Variants in ZIC1 observed in about 807,000 individuals in gnomAD.
ZIC1 encodes the protein zinc finger protein ZIC 1.
In ZIC1, 4 loss-of-function variants were observed where a neutral mutation model predicts 30.9. The ratio of observed to expected loss-of-function variants is 0.13; its 90% CI spans 0.06 to 0.30. ZIC1 has a LOEUF of 0.30. ZIC1 is among the 10% of genes least tolerant of loss of function. The probability of loss-of-function intolerance (pLI) is 1.00; values close to 1 mark genes in which losing one functional copy is unlikely to be tolerated. For synonymous variants in ZIC1, 305 were observed against 277.5 expected, an observed-to-expected ratio of 1.10 and a Z score of -0.98; for missense variants, 441 against 639.3, an observed-to-expected ratio of 0.69 and a Z score of 3.34.
In ZIC1 at chr3:147,410,090, G is replaced by T; in HGVS notation, c.-23G>T. The T allele has an allele frequency of 6.9e-7, 1 of 1,458,716 alleles. No individual in the cohort carries two copies. The highest frequency in any genetic ancestry group is 9.0e-7 in the Non-Finnish European group (1 of 1,114,842). The allele number at this position is 1,458,716 out of a possible 1,614,324, so 90.4% of individuals were successfully genotyped here. A position where few individuals can be genotyped will look rare whatever the true frequency, so the allele number is the denominator to read the frequency against. On this transcript the variant is annotated 5_prime_UTR_variant, in exon 1 of 3. Transcript: ENST00000282928. ...GAGGGTGGGGGGGGCGGGGGAGGCC[G>T]GGGCTCGCCCCGAGCAGCCACGATG...
chr3:147,410,127 C>G lies in ZIC1; in HGVS notation c.15C>G (p.Ala5=). The G allele has an allele frequency of 1.3e-6, 2 of 1,565,070 alleles. No homozygotes were observed. Among genetic ancestry groups the G allele is most frequent in the Non-Finnish European group, 1.7e-6 (2 of 1,163,744 alleles). Reference sequence around the variant, plus strand: ...GAGCAGCCACGATGCTCCTGGACGCCGGCCCCCAGTACCCAGCGATCGGCG... The same window carrying G: ...GAGCAGCCACGATGCTCCTGGACGCGGGCCCCCAGTACCCAGCGATCGGCG... MLLD[A]GPQYPAIGVT... The change falls in exon 1 of 3, where the codon GCC becomes GCG. Residue 5 remains alanine, a synonymous_variant. Coordinates refer to ENST00000282928, the MANE Select transcript of ZIC1 (RefSeq NM_003412.4).
intron 1 of ZIC1, among the ~76,000 whole-genome samples, chr3:147,411,884 A>G (rs548367276): frequency 6.6e-6 from 1 of 152,042 alleles, no homozygotes; most frequent in East Asian, 1.9e-4. Context: ...CAGACAAAAC[A>G]TTCTGGGCCC....
rs551456943 is a variant in ZIC1 at position 147,414,585 on chromosome 3, C to G, written c.*1034C>G. On this transcript the variant is annotated 3_prime_UTR_variant, in exon 3 of 3. Transcript: ENST00000282928. ...TCCGTGATTGTGGTAGGAATTTCTT[C>G]TTCACCCACCAGCAACCTGCTGCCT... is the stretch of plus-strand genomic sequence containing the variant. The G allele has an allele frequency of 4.6e-5, 7 of 152,714 alleles. No homozygotes were observed. In the South Asian group the frequency reaches 1.5e-3, roughly 32 times the overall value. The allele number at this position is 152,714 out of a possible 1,614,324, so 9.5% of individuals were successfully genotyped here.
rs2087411122 is a variant in ZIC1, at chr3:147,414,109, T to C, written c.*558T>C. 2 of 152,164 alleles carry C rather than the reference T, an allele frequency of 1.3e-5. No homozygotes were observed. The highest frequency in any genetic ancestry group is 4.2e-4 in the South Asian group (2 of 4,792). 9.4% of individuals were successfully genotyped at this position (152,164 alleles called of 1,614,324 possible). A position where few individuals can be genotyped will look rare whatever the true frequency, so the allele number is the denominator to read the frequency against. On this transcript the variant is annotated 3_prime_UTR_variant, in exon 3 of 3. Transcript: ENST00000282928. ...TGTTTGTACTGAATGGCAAGAATGT[T>C]CTAGTAAATGTGTACCAAAATGTGA... is the stretch of plus-strand genomic sequence containing the variant.
At chr3:147,412,415 C>T in intron 1 of ZIC1, 103 bp from the exon 2 acceptor site, 2 of 1,403,690 alleles carry the variant, frequency 1.4e-6, no homozygotes, top group Non-Finnish European at 9.8e-7. Flanking sequence ...TAATCCTGGG[C>T]TGCTGGCTTT....
chr3:147,409,763 G>T lies in ZIC1; in HGVS notation c.-350G>T. ...AAGTTTTTTTTTAGGGGGCTGAGAT[G>T]CTCCATGCCTTTCCCCGGGCAGCCT... On this transcript the variant is annotated 5_prime_UTR_variant, in exon 1 of 3. It removes an upstream start codon present in the reference 5' UTR. Transcript: ENST00000282928. 1 of 319,820 alleles carries T rather than the reference G, an allele frequency of 3.1e-6. No homozygotes were observed. The highest frequency in any genetic ancestry group is 5.7e-6 in the Non-Finnish European group (1 of 175,082). 19.8% of individuals were successfully genotyped at this position (319,820 alleles called of 1,614,324 possible).
chr3:147,409,907 T>G lies in ZIC1; in HGVS notation c.-206T>G. The G allele has an allele frequency of 1.8e-6, 1 of 545,394 alleles. No homozygotes were observed. The highest frequency in any genetic ancestry group is 3.1e-6 in the Non-Finnish European group (1 of 324,338). 33.8% of individuals were successfully genotyped at this position (545,394 alleles called of 1,614,324 possible). ...CGCGGCCCGCAGCCGTCCGGCTACT[T>G]TGCGTTTGGCCCGGCCAGCGCCCGG... On this transcript the variant is annotated 5_prime_UTR_variant, in exon 1 of 3. Coordinates refer to ENST00000282928, the MANE Select transcript of ZIC1 (RefSeq NM_003412.4).
At chr3:147,412,755 G>C in intron 2 of ZIC1, 74 bp downstream of exon 2, 1 of 1,549,564 alleles carries the variant, frequency 6.5e-7, no homozygotes, top group African/African-American at 1.4e-5. Flanking sequence ...CGGGCGGCGA[G>C]TGGCAGACAG....
intron 1 of ZIC1, 126 bp from the exon 2 acceptor site, chr3:147,412,392 G>A: frequency 2.7e-6 from 3 of 1,119,856 alleles, no homozygotes; most frequent in Non-Finnish European, 2.6e-6. Context: ...GGGTTTTTAA[G>A]CTTGCAAAGT....
At chr3:147,413,242 G>A in intron 2 of ZIC1, 112 bp from the exon 3 acceptor site, 1 of 1,183,148 alleles carries the variant, frequency 8.5e-7, no homozygotes, top group Non-Finnish European at 1.2e-6. Flanking sequence ...CCTCACCTGT[G>A]TTCAGGGGGC....
rs1315632732 is a variant in ZIC1, at chr3:147,410,482, TCGG to T, written c.372_374del (p.Ala125del). ...CGCACAGCACAGCCTCTTTGCTGCA[TCGG>T]CCGGGGGCTTCGGGGGCCCACACGG... On this transcript the variant is annotated inframe_deletion, in exon 1 of 3. Transcript: ENST00000282928. 1.2e-6 allele frequency: 2 copies of T among 1,605,526 alleles called. No individual in the cohort carries two copies. Among genetic ancestry groups the T allele is most frequent in the Non-Finnish European group, 1.7e-6 (2 of 1,178,648 alleles).
intron 2 of ZIC1, 83 bp downstream of exon 2, chr3:147,412,764 A>T: frequency 6.5e-7 from 1 of 1,532,468 alleles, no homozygotes; most frequent in Non-Finnish European, 8.9e-7. Context: ...AGTGGCAGAC[A>T]GGCGGTGGCG....
chr3:147,410,856 C>T lies in ZIC1; in HGVS notation c.744C>T (p.Thr248=). 6.2e-7 allele frequency: 1 copy of T among 1,614,262 alleles called. No homozygotes were observed. The highest frequency in any genetic ancestry group is 8.5e-7 in the Non-Finnish European group (1 of 1,180,042). ...AGTCGTGCAACAAAACTTTCAGCAC[C>T]ATGCACGAGCTAGTTACGCACGTCA... ...PKKSCNKTFS[T]MHELVTHVTV... The change falls in exon 1 of 3, where the codon ACC becomes ACT. Residue 248 remains threonine, a synonymous_variant. Transcript: ENST00000282928.
chr3:147,414,539 C>G lies in ZIC1; in HGVS notation c.*988C>G, dbSNP rs1048800376. 9.2e-5 allele frequency: 14 copies of G among 152,436 alleles called. No individual in the cohort carries two copies. Among genetic ancestry groups the G allele is most frequent in the African/African-American group, 3.4e-4 (14 of 41,380 alleles). 9.4% of individuals were successfully genotyped at this position (152,436 alleles called of 1,614,324 possible). A position where few individuals can be genotyped will look rare whatever the true frequency, so the allele number is the denominator to read the frequency against. ...AGAACTGTTTGGTAACCTTTCGTAC[C>G]TTATTAAAGATTCTTAAATCTCCGT... On this transcript the variant is annotated 3_prime_UTR_variant, in exon 3 of 3. Coordinates refer to ENST00000282928, the MANE Select transcript of ZIC1 (RefSeq NM_003412.4).
In ZIC1 at chr3:147,410,274, C is replaced by A. The variant is rs758813821; in HGVS notation, c.162C>A (p.His54Gln). The A allele has an allele frequency of 3.4e-5, 54 of 1,600,586 alleles. No individual in the cohort carries two copies. In the Admixed American group the frequency reaches 8.7e-4, roughly 26 times the overall value. The change falls in exon 1 of 3, where the codon CAC becomes CAA. Residue 54 changes from histidine to glutamine, a missense_variant. Physicochemically the swap from His to Gln is conservative, Grantham distance 24. This residue lies in a region of ZIC1 where 307 missense variants were observed against 355.3 expected (regional missense o/e 0.86). Coordinates refer to ENST00000282928, the MANE Select transcript of ZIC1 (RefSeq NM_003412.4). Reference sequence around the variant, plus strand: ...CCTTCAAGCTCAACCCCAGTTCGCACGAGCTGGCTTCGGCCGGCCAGACGG... The same window carrying A: ...CCTTCAAGCTCAACCCCAGTTCGCAAGAGCTGGCTTCGGCCGGCCAGACGG... ...MGAFKLNPSS[H>Q]ELASAGQTAF... is the part of the protein sequence containing the mutation.
rs763813071 is a variant in ZIC1 at position 147,416,560 on chromosome 3, G to A, written c.*3009G>A. 6.6e-5 allele frequency: 10 copies of A among 152,082 alleles called. No homozygotes were observed. Among genetic ancestry groups the A allele is most frequent in the Non-Finnish European group, 1.5e-4 (10 of 68,012 alleles). The allele number at this position is 152,082 out of a possible 1,614,324, so 9.4% of individuals were successfully genotyped here. A position where few individuals can be genotyped will look rare whatever the true frequency, so the allele number is the denominator to read the frequency against. ...GGATATTTTAAAGATAAATTTTAGG[G>A]GTAAATGTTTACTTCAAAATGACTC... On this transcript the variant is annotated 3_prime_UTR_variant, in exon 3 of 3. Transcript: ENST00000282928.
rs756221956 is a variant in ZIC1 at position 147,412,631 on chromosome 3, A to C, written c.1096A>C (p.Met366Leu). ...GAGCGACAAGCCCTATCTTTGCAAG[A>C]TGTGCGACAAGTCCTACACGCATCC... ...HTSDKPYLCK[M>L]CDKSYTHPSS... Residue 366 changes from methionine to leucine, a missense_variant, in exon 2 of 3, where the codon ATG (methionine) becomes CTG (leucine). By Grantham distance (15) the Met-to-Leu change is conservative. This residue lies in a region of ZIC1 where 31 missense variants were observed against 65.2 expected (regional missense o/e 0.48). Transcript: ENST00000282928. 1 of 1,614,210 alleles carries C rather than the reference A, an allele frequency of 6.2e-7. No individual in the cohort carries two copies. Among genetic ancestry groups the C allele is most frequent in the Admixed American group, 1.7e-5 (1 of 60,024 alleles).
Position 147,409,927 on chromosome 3 carries a change from GC to G in ZIC1, c.-183del. On this transcript the variant is annotated 5_prime_UTR_variant, in exon 1 of 3. Transcript: ENST00000282928. ...CTACTTTGCGTTTGGCCCGGCCAGCGCCCGGGCGCGCCGCGCCATTGCCTGC... is the reference window on the plus strand; with the variant it reads ...CTACTTTGCGTTTGGCCCGGCCAGCGCCGGGCGCGCCGCGCCATTGCCTGC... 1 of 625,544 alleles carries G rather than the reference GC, an allele frequency of 1.6e-6. No homozygotes were observed. Among genetic ancestry groups the G allele is most frequent in the Non-Finnish European group, 2.5e-6 (1 of 396,560 alleles). The allele number at this position is 625,544 out of a possible 1,614,324, so 38.7% of individuals were successfully genotyped here.
Position 147,410,243 on chromosome 3 carries a change from T to A in ZIC1, c.131T>A (p.Met44Lys), listed in dbSNP as rs760481178. The change falls in exon 1 of 3, where the codon ATG becomes AAG. Residue 44 changes from methionine to lysine, a missense_variant. Physicochemically the swap from Met to Lys is moderately conservative, Grantham distance 95. This residue lies in a region of ZIC1 where 307 missense variants were observed against 355.3 expected (regional missense o/e 0.86). Transcript: ENST00000282928. ...GGCATCAACCCGTTCGCCGACGGCA[T>A]GGGCGCCTTCAAGCTCAACCCCAGT... Reference protein sequence around the residue: ...GLGINPFADGMGAFKLNPSSH... With the variant: ...GLGINPFADGKGAFKLNPSSH... The A allele has an allele frequency of 6.2e-7, 1 of 1,601,282 alleles. No homozygotes were observed. Among genetic ancestry groups the A allele is most frequent in the Admixed American group, 1.7e-5 (1 of 60,008 alleles).
Sources: gnomAD v4.1 joint callset for allele counts (sites outside exome capture counted in the v4.1 genomes callset) on GRCh38, gnomAD v4.1.1 for gene constraint, gnomAD v4.1.1 regional missense constraint, MANE v1.5 for transcripts, NCBI Gene and HGNC (gene_info 2026-07-23, HGNC 2026-07-21) for gene names.